The following SDK1 variants were observed in gnomAD, a reference collection of about 807,000 sequenced individuals.
SDK1 encodes the protein protein sidekick-1.
SDK1 carries 157 observed loss-of-function variants against 245.5 expected under a neutral mutation model. The observed-to-expected ratio is 0.64, with a 90% CI of 0.56 to 0.73. The LOEUF is 0.73. SDK1 is among the 30% of genes least tolerant of loss of function. The pLI is 0.00. For missense variants in SDK1, 3,583 were observed against 3,002.3 expected (o/e 1.19, Z -4.52); for synonymous variants, 1,647 against 1,278.5 (o/e 1.29, Z -6.15).
rs575815737 is a variant in SDK1, at chr7:3,564,288, A to G, written c.299-54792A>G. Among the ~76,000 whole-genome samples the G allele has an allele frequency of 9.9e-5, 15 of 152,228 alleles. No individual in the cohort carries two copies. In the East Asian group the frequency reaches 2.1e-3, roughly 22 times the overall value. ...AAATCAAAACTTGATTCTTTGAAAGATAAGATAGACCTCTGACAGACTCAA... is the reference window on the plus strand; with the variant it reads ...AAATCAAAACTTGATTCTTTGAAAGGTAAGATAGACCTCTGACAGACTCAA... On this transcript the variant is annotated intron_variant, in intron 1 of 44. Transcript: ENST00000404826.
intron 4 of SDK1, among the ~76,000 whole-genome samples, chr7:3,736,064 G>A (rs188682369): frequency 2.6e-5 from 4 of 152,040 alleles, no homozygotes; most frequent in Non-Finnish European, 1.5e-5. Flanking sequence ...AATTGTAAGA[G>A]TTCTTTATAT....
chr7:4,220,966 G>A (rs1462266528), intron 39 of SDK1, among the ~76,000 whole-genome samples: 1 of 148,164 alleles, frequency 6.7e-6, no homozygotes. Context: ...TTTGTATTTT[G>A]TAGAGACAAG....
chr7:3,381,362 A>G (rs940532176), intron 1 of SDK1, among the ~76,000 whole-genome samples: 1 of 152,114 alleles, frequency 6.6e-6, no homozygotes, highest in Non-Finnish European at 1.5e-5. Context: ...GAGGCTTAGC[A>G]AAAGAGAGCG....
intron 14 of SDK1, among the ~76,000 whole-genome samples, chr7:3,988,589 C>T (rs1052333808): frequency 6.6e-6 from 1 of 152,130 alleles, no homozygotes; most frequent in Non-Finnish European, 1.5e-5. Flanking sequence ...CGGTCAGCCA[C>T]ACGGGACACA....
At chr7:3,914,891 G>A (rs1037752571) in intron 5 of SDK1, among the ~76,000 whole-genome samples, 3 of 152,194 alleles carry the variant, frequency 2.0e-5, no homozygotes, top group Non-Finnish European at 2.9e-5. Flanking sequence ...AAAAGTCGTC[G>A]AAAGCGAGTG....
chr7:3,828,649 CTTTTTTTTTTTTTTTTGT>C (rs1779838027), intron 5 of SDK1, among the ~76,000 whole-genome samples: 1 of 28,732 alleles, frequency 3.5e-5, no homozygotes, highest in African/African-American at 1.3e-4. Context: ...ATTTTTTGTT[CTTTTTTTTTTTTTTTTGT>C]TTTTTTGACA....
intron 23 of SDK1, among the ~76,000 whole-genome samples, chr7:4,111,596 C>T (rs1584171470): frequency 6.6e-6 from 1 of 150,974 alleles, no homozygotes. Flanking sequence ...GAGCTTAGAA[C>T]AGACAAATCA....
intron 4 of SDK1, among the ~76,000 whole-genome samples, chr7:3,650,345 CA>C (rs916243582): frequency 6.6e-6 from 1 of 152,204 alleles, no homozygotes; most frequent in Admixed American, 6.5e-5. Context: ...ACCCGTTAAA[CA>C]TAACTCCCCA....
At chr7:3,842,920 A>C (rs1780194256) in intron 5 of SDK1, among the ~76,000 whole-genome samples, 1 of 152,148 alleles carries the variant, frequency 6.6e-6, no homozygotes, top group South Asian at 2.1e-4. Context: ...TCTTTAGGAA[A>C]GGATTCCCAG....
chr7:3,401,215 C>G (rs559067909), intron 1 of SDK1, among the ~76,000 whole-genome samples: 1 of 152,244 alleles, frequency 6.6e-6, no homozygotes, highest in Non-Finnish European at 1.5e-5. Flanking sequence ...TTCAAGAGGT[C>G]TTCTAGAATA....
At chr7:3,640,195 T>C (rs1782607303) in intron 3 of SDK1, among the ~76,000 whole-genome samples, 1 of 152,210 alleles carries the variant, frequency 6.6e-6, no homozygotes, top group Admixed American at 6.5e-5. Flanking sequence ...TTTCTCTTTG[T>C]TTAAAAGTAA....
At chr7:3,697,540 C>A (rs558799670) in intron 4 of SDK1, among the ~76,000 whole-genome samples, 5 of 152,110 alleles carry the variant, frequency 3.3e-5, no homozygotes, top group African/African-American at 9.7e-5. Flanking sequence ...TCTAATACCC[C>A]TTTTTTTGAG....
intron 35 of SDK1, among the ~76,000 whole-genome samples, chr7:4,180,617 C>T (rs776658400): frequency 1.3e-5 from 2 of 152,222 alleles, no homozygotes; most frequent in Admixed American, 6.5e-5. Flanking sequence ...TGTAAAGGGA[C>T]GGGGTAATTT....
chr7:3,677,955 A>G (rs1006824859), intron 4 of SDK1, among the ~76,000 whole-genome samples: 8 of 152,200 alleles, frequency 5.3e-5, no homozygotes, highest in Admixed American at 3.9e-4. Flanking sequence ...AACAGAACAA[A>G]CAAAGTATTT....
At chr7:3,779,792 C>T (rs190418759) in intron 4 of SDK1, among the ~76,000 whole-genome samples, 255 of 151,934 alleles carry the variant, frequency 1.7e-3, no homozygotes, top group Non-Finnish European at 2.8e-3. Flanking sequence ...ATTAGCCGGG[C>T]GCGGTGGCGG....
intron 1 of SDK1, among the ~76,000 whole-genome samples, chr7:3,539,602 C>T (rs909969224): frequency 2.6e-5 from 4 of 152,152 alleles, no homozygotes; most frequent in African/African-American, 9.7e-5. Flanking sequence ...GGCCGTATCA[C>T]ATCTGTCTTT....
At chr7:4,232,167 T>C (rs1407006695) in intron 40 of SDK1, among the ~76,000 whole-genome samples, 2 of 150,108 alleles carry the variant, frequency 1.3e-5, no homozygotes, top group East Asian at 2.0e-4. Context: ...ACTTACTTAA[T>C]CCTCAAAGCA....
intron 40 of SDK1, among the ~76,000 whole-genome samples, chr7:4,223,349 C>T (rs991371275): frequency 2.6e-5 from 4 of 152,246 alleles, no homozygotes; most frequent in South Asian, 2.1e-4. Context: ...TTAGCAAAGT[C>T]CCACAAACTA....
chr7:3,833,596 T>C (rs1779963312), intron 5 of SDK1, among the ~76,000 whole-genome samples: 4 of 152,212 alleles, frequency 2.6e-5, no homozygotes, highest in Admixed American at 1.3e-4. Context: ...AGAAACCATA[T>C]GCATAGGTTG....
Sources: gnomAD v4.1 joint callset for allele counts (sites outside exome capture counted in the v4.1 genomes callset) on GRCh38, gnomAD v4.1.1 for gene constraint, MANE v1.5 for transcripts, NCBI Gene and HGNC (gene_info 2026-07-23, HGNC 2026-07-21) for gene names.